Variants in XPO4 observed in about 807,000 individuals in gnomAD.
XPO4 encodes the protein exportin-4.
Under a neutral mutation model 143.0 loss-of-function variants are expected in XPO4, and 39 were observed. That is an observed-to-expected ratio of 0.27 (90% confidence interval 0.21 to 0.36). XPO4 has a LOEUF of 0.36. XPO4 is among the 10% of genes least tolerant of loss of function. XPO4 has a pLI of 1.00. For missense variants in XPO4, 907 were observed against 1,348.0 expected (o/e 0.67, Z 5.12); for synonymous variants, 439 against 474.0 (o/e 0.93, Z 0.96).
chr13:20,804,220 A>C (rs2059474013), intron 13 of XPO4, among the ~76,000 whole-genome samples: 1 of 150,928 alleles, frequency 6.6e-6, no homozygotes, highest in Admixed American at 6.6e-5. Flanking sequence ...CATTATATAT[A>C]TATACACACA....
chr13:20,861,865 T>C lies in XPO4; in HGVS notation c.317+852A>G, dbSNP rs143440672. 2.5e-3 allele frequency among the ~76,000 whole-genome samples: 352 copies of C among 138,078 alleles called. 1 individual carries two copies. Among genetic ancestry groups the C allele is most frequent in the African/African-American group, 8.4e-3 (312 of 37,336 alleles). 90.6% of individuals were successfully genotyped at this position (138,078 alleles called of 152,430 possible). A position where few individuals can be genotyped will look rare whatever the true frequency, so the allele number is the denominator to read the frequency against. On this transcript the variant is annotated intron_variant, in intron 3 of 22. Transcript: ENST00000255305. ...CAGTGATGCAATGATCTCGGCTCAC[T>C]GCAACCTCTGCCTCCCAGGTTAAAG...
At chr13:20,813,980 T>C (rs1010554967) in intron 9 of XPO4, among the ~76,000 whole-genome samples, 3 of 151,548 alleles carry the variant, frequency 2.0e-5, no homozygotes, top group Non-Finnish European at 2.9e-5. Flanking sequence ...AAAAAATCTA[T>C]TGAACGCTAA....
At position 20,783,589 on chromosome 13, in the gene XPO4, A is replaced by G; in HGVS notation, c.*133T>C. 1 of 858,748 alleles carries G rather than the reference A, an allele frequency of 1.2e-6. No homozygotes were observed. The highest frequency in any genetic ancestry group is 1.6e-5 in the South Asian group (1 of 62,476). The allele number at this position is 858,748 out of a possible 1,614,324, so 53.2% of individuals were successfully genotyped here. On this transcript the variant is annotated 3_prime_UTR_variant, in exon 23 of 23. Coordinates refer to ENST00000255305, the MANE Select transcript of XPO4 (RefSeq NM_022459.5). ...TCTCCTGTTTCACTGTATTACATAC[A>G]TATCAAAGTTTCAGGCTCTCCAAAA...
chr13:20,866,734 A>C lies in XPO4; in HGVS notation c.175+1862T>G, dbSNP rs1469342674. 2.0e-5 allele frequency among the ~76,000 whole-genome samples: 3 copies of C among 152,356 alleles called. No individual in the cohort carries two copies. In the East Asian group the frequency reaches 5.8e-4, roughly 29 times the overall value. ...CAGAACTAGCAATACTACTCTTTAG[A>C]AAATTTTATCAGGAAAACAAAAGTA... On this transcript the variant is annotated intron_variant, in intron 2 of 22. Transcript: ENST00000255305.
Position 20,800,877 on chromosome 13 carries a change from C to T in XPO4, c.1931G>A (p.Arg644His), listed in dbSNP as rs766689348. Residue 644 changes from arginine (R) to histidine (H), a missense_variant, in exon 14 of 23, where the codon CGC (arginine) becomes CAC (histidine). Arg to His is a conservative substitution (Grantham distance 29). Coordinates refer to ENST00000255305, the MANE Select transcript of XPO4 (RefSeq NM_022459.5). ...MGKDIVWFLK[R>H]WAKTYLLVDE... The stretch of plus-strand genomic sequence containing the variant: ...CACCAGGAGATAAGTCTTTGCCCAG[C>T]GTTTTAAAAACCAAACAATATCTTT... The T allele has an allele frequency of 1.6e-5, 26 of 1,613,928 alleles. No homozygotes were observed. The highest frequency in any genetic ancestry group is 2.1e-5 in the Non-Finnish European group (25 of 1,179,932).
chr13:20,786,997 C>T lies in XPO4; in HGVS notation c.3226G>A (p.Glu1076Lys). The T allele has an allele frequency of 6.4e-7, 1 of 1,560,878 alleles. No individual in the cohort carries two copies. Among genetic ancestry groups the T allele is most frequent in the Non-Finnish European group, 8.7e-7 (1 of 1,150,724 alleles). Residue 1076 changes from glutamate (E) to lysine (K), a missense_variant, in exon 22 of 23, where the codon GAA becomes AAA. Glu to Lys is a moderately conservative substitution (Grantham distance 56, BLOSUM62 1). Coordinates refer to ENST00000255305, the MANE Select transcript of XPO4 (RefSeq NM_022459.5). Reference protein sequence around the residue: ...HNTEMTTAAGEAFYTLVCLHQ... With the variant: ...HNTEMTTAAGKAFYTLVCLHQ... ...AAACACACCAACGTGTAGAAAGCTT[C>T]GCCAGCCGCAGTGGTCATCTCTGTG...
At chr13:20,787,324 G>A (rs17252933) in intron 21 of XPO4, among the ~76,000 whole-genome samples, 157 bp downstream of exon 21, 14,211 of 152,232 alleles carry the variant, frequency 0.093, 823 homozygotes, top group Non-Finnish European at 0.13. Context: ...ATGTGTCCAT[G>A]AAGAGCTGAT....
chr13:20,886,536 C>G (rs1003240526), intron 1 of XPO4, among the ~76,000 whole-genome samples: 8 of 151,956 alleles, frequency 5.3e-5, no homozygotes, highest in African/African-American at 1.9e-4. Flanking sequence ...CCCTTGAACC[C>G]AAGATGCGGT....
At chr13:20,823,357 T>C (rs1370579964) in intron 7 of XPO4, among the ~76,000 whole-genome samples, 2 of 152,220 alleles carry the variant, frequency 1.3e-5, no homozygotes, top group Non-Finnish European at 2.9e-5. Context: ...TAAATCCTTG[T>C]TCACTGAGTC....
chr13:20,799,854 G>A (rs2059409584), intron 15 of XPO4, among the ~76,000 whole-genome samples: 1 of 152,098 alleles, frequency 6.6e-6, no homozygotes, highest in Non-Finnish European at 1.5e-5. Flanking sequence ...AAATTCAAAT[G>A]AGCATATTCC....
chr13:20,902,593 C>G lies in XPO4; in HGVS notation c.69+77G>C, dbSNP rs866687963. On this transcript the variant is annotated intron_variant, in intron 1 of 22. Transcript: ENST00000255305. ...AGGCCCTTGCCAGTCGCCAGCCCAG[C>G]GAGCAGCAAGGCCTGGAGTGGCAGG... The G allele has an allele frequency of 2.8e-6, 4 of 1,432,676 alleles. No homozygotes were observed. The Middle Eastern group carries it at 7.5e-4, about 270-fold the overall frequency. 88.7% of individuals were successfully genotyped at this position (1,432,676 alleles called of 1,614,324 possible).
intron 7 of XPO4, among the ~76,000 whole-genome samples, chr13:20,823,703 G>A (rs2059748967): frequency 6.6e-6 from 1 of 151,970 alleles, no homozygotes; most frequent in African/African-American, 2.4e-5. Flanking sequence ...CCAGGCTGGA[G>A]TGCAATGGTG....
intron 9 of XPO4, among the ~76,000 whole-genome samples, chr13:20,811,359 C>G (rs2059579897): frequency 6.7e-6 from 1 of 148,692 alleles, no homozygotes; most frequent in Admixed American, 6.8e-5. Context: ...GTGATCTTGG[C>G]TCACTACAGC....
intron 1 of XPO4, among the ~76,000 whole-genome samples, chr13:20,880,502 C>A (rs977755329): frequency 6.6e-6 from 1 of 152,104 alleles, no homozygotes; most frequent in African/African-American, 2.4e-5. Context: ...CTCAAAAAAT[C>A]AAAGATAAAA....
intron 1 of XPO4, among the ~76,000 whole-genome samples, chr13:20,883,581 A>G (rs2060433658): frequency 6.6e-6 from 1 of 152,224 alleles, no homozygotes; most frequent in African/African-American, 2.4e-5. Flanking sequence ...AGAAATGTCT[A>G]TCTAGAAAAA....
At position 20,781,551 on chromosome 13, in the gene XPO4, A is replaced by C. The variant is rs953880915; in HGVS notation, c.*2171T>G. On this transcript the variant is annotated 3_prime_UTR_variant, in exon 23 of 23. Coordinates refer to ENST00000255305, the MANE Select transcript of XPO4 (RefSeq NM_022459.5). The stretch of plus-strand genomic sequence containing the variant: ...CAGGAATATGGAGGTGAAATTTTCT[A>C]TTTTTAGTATTGTAATAGGATCTGG... 6 of 152,644 alleles carry C rather than the reference A, an allele frequency of 3.9e-5. No individual in the cohort carries two copies. The highest frequency in any genetic ancestry group is 1.4e-4 in the African/African-American group (6 of 41,452). 9.5% of individuals were successfully genotyped at this position (152,644 alleles called of 1,614,324 possible).
chr13:20,875,537 C>T (rs989668467), intron 1 of XPO4, among the ~76,000 whole-genome samples: 6 of 152,134 alleles, frequency 3.9e-5, no homozygotes, highest in African/African-American at 1.4e-4. Context: ...CAATTTCTTG[C>T]AAAATATTCC....
At chr13:20,787,875 C>T (rs1312814670) in intron 20 of XPO4, among the ~76,000 whole-genome samples, 1 of 152,120 alleles carries the variant, frequency 6.6e-6, no homozygotes, top group Non-Finnish European at 1.5e-5. Context: ...TTATTCTCTA[C>T]AATCAGAGCT....
intron 6 of XPO4, among the ~76,000 whole-genome samples, chr13:20,842,517 A>C (rs1303066513): frequency 6.6e-6 from 1 of 152,206 alleles, no homozygotes; most frequent in Non-Finnish European, 1.5e-5. Flanking sequence ...ACTAGCTTTA[A>C]GTCAGTCAAA....
Sources: allele counts gnomAD v4.1 joint callset (sites outside exome capture counted in the v4.1 genomes callset), GRCh38; gene constraint gnomAD v4.1.1; transcripts MANE v1.5; gene names NCBI Gene and HGNC (gene_info 2026-07-23, HGNC 2026-07-21).